Variants in NAV3 observed in about 807,000 individuals in gnomAD.
NAV3 encodes the protein neuron navigator 3, also known as pore membrane and/or filament interacting like protein 1.
Under a neutral mutation model 244.7 loss-of-function variants are expected in NAV3, and 87 were observed. The ratio of observed to expected loss-of-function variants is 0.36; its 90% CI spans 0.30 to 0.42. The LOEUF (loss-of-function observed/expected upper bound fraction) is 0.42, where lower values mean the gene tolerates loss of function less well. Among genes scored for constraint, NAV3 ranks in the 20% least tolerant of loss-of-function variants. The pLI is 1.00. For synonymous variants in NAV3, 1,126 were observed against 1,042.2 expected, an observed-to-expected ratio of 1.08 and a Z score of -1.55; for missense variants, 2,663 against 2,893.3, an observed-to-expected ratio of 0.92 and a Z score of 1.83.
At chr12:77,744,424 T>G (rs1238473421) in intron 2 of NAV3, among the ~76,000 whole-genome samples, 1 of 151,968 alleles carries the variant, frequency 6.6e-6, no homozygotes, top group African/African-American at 2.4e-5. Flanking sequence ...TTTCCCATCT[T>G]TATTTTCTGC....
intron 16 of NAV3, among the ~76,000 whole-genome samples, chr12:78,123,460 C>T (rs1955766716): frequency 2.0e-5 from 3 of 151,980 alleles, no homozygotes; most frequent in Admixed American, 2.0e-4. Context: ...CTTAGCTAGA[C>T]ACTCTCTGCA....
intron 1 of NAV3, among the ~76,000 whole-genome samples, chr12:77,939,872 C>T (rs1889695688): frequency 6.6e-6 from 1 of 152,158 alleles, no homozygotes; most frequent in African/African-American, 2.4e-5. Context: ...TTGTCACATA[C>T]AGTATCTCAC....
At chr12:77,578,687 A>T (rs1451315362) in intron 2 of NAV3, among the ~76,000 whole-genome samples, 1 of 152,188 alleles carries the variant, frequency 6.6e-6, no homozygotes, top group Non-Finnish European at 1.5e-5. Flanking sequence ...TCCTAAGTGC[A>T]TACCCAGACT....
At chr12:78,198,018 T>TAA (rs1959208669) in intron 35 of NAV3, among the ~76,000 whole-genome samples, 1 of 151,806 alleles carries the variant, frequency 6.6e-6, no homozygotes, top group South Asian at 2.1e-4. Context: ...AAGGAAAGGT[T>TAA]AAAGTAAGGT....
intron 2 of NAV3, among the ~76,000 whole-genome samples, chr12:77,730,514 T>C (rs1290829950): frequency 6.6e-6 from 1 of 151,930 alleles, no homozygotes; most frequent in East Asian, 1.9e-4. Flanking sequence ...AACCAAGTAG[T>C]CTAGTATTCT....
chr12:77,786,378 T>C (rs887473161), intron 2 of NAV3, among the ~76,000 whole-genome samples: 3 of 152,168 alleles, frequency 2.0e-5, no homozygotes, highest in African/African-American at 7.2e-5. Flanking sequence ...GTTACACATA[T>C]ATTTTAATAT....
chr12:77,772,498 T>C (rs1198491594), intron 2 of NAV3, among the ~76,000 whole-genome samples: 1 of 152,218 alleles, frequency 6.6e-6, no homozygotes. Context: ...ATGCTAAGAC[T>C]TATGATAAAT....
chr12:77,650,463 T>C (rs983314660), intron 2 of NAV3, among the ~76,000 whole-genome samples: 1 of 152,146 alleles, frequency 6.6e-6, no homozygotes, highest in African/African-American at 2.4e-5. Flanking sequence ...CATTTGATGT[T>C]GAGTTTCAAG....
chr12:77,912,068 G>A, intron 1 of NAV3, among the ~76,000 whole-genome samples: 1 of 152,074 alleles, frequency 6.6e-6, no homozygotes, highest in East Asian at 1.9e-4. Flanking sequence ...CATTCCTTGA[G>A]GCAAGGTAAT....
chr12:77,632,000 A>G (rs1387591312), intron 2 of NAV3, among the ~76,000 whole-genome samples: 1 of 152,216 alleles, frequency 6.6e-6, no homozygotes, highest in Non-Finnish European at 1.5e-5. Flanking sequence ...TATACACGTG[A>G]ACAGAGTTAT....
intron 11 of NAV3, among the ~76,000 whole-genome samples, chr12:78,054,657 T>C (rs1399175256): frequency 6.6e-6 from 1 of 152,134 alleles, no homozygotes; most frequent in Non-Finnish European, 1.5e-5. Context: ...AAGTAATTGA[T>C]ATGGGAAGCA....
chr12:78,040,747 T>C (rs1284952804), intron 9 of NAV3, among the ~76,000 whole-genome samples: 4 of 152,170 alleles, frequency 2.6e-5, no homozygotes, highest in Admixed American at 6.5e-5. Context: ...CATCTCAATA[T>C]ACTCCTTCTT....
At chr12:78,047,419 G>A (rs1384471504) in intron 9 of NAV3, among the ~76,000 whole-genome samples, 7 of 152,086 alleles carry the variant, frequency 4.6e-5, no homozygotes, top group South Asian at 2.1e-4. Flanking sequence ...CCCGGGAGGC[G>A]GAGCTTGCAG....
intron 18 of NAV3, among the ~76,000 whole-genome samples, chr12:78,131,482 T>C (rs1299027329): frequency 6.6e-6 from 1 of 152,208 alleles, no homozygotes; most frequent in Non-Finnish European, 1.5e-5. Context: ...GTCATAGGAA[T>C]ATGAAAAAAT....
In NAV3 at chr12:77,948,237, T is replaced by C. The variant is rs994474070; in HGVS notation, c.414+7104T>C. Among the ~76,000 whole-genome samples the C allele has an allele frequency of 2.6e-5, 4 of 152,194 alleles. No homozygotes were observed. In the East Asian group the frequency reaches 7.7e-4, roughly 29 times the overall value. On this transcript the variant is annotated intron_variant, in intron 3 of 39. Transcript: ENST00000397909. ...AGAATGCCTTGTTGCATTAACTTTA[T>C]ATTATAGAATGAATAGCTTAAATGT...
intron 34 of NAV3, among the ~76,000 whole-genome samples, chr12:78,194,575 C>T (rs922149297): frequency 3.9e-5 from 6 of 152,006 alleles, no homozygotes; most frequent in South Asian, 2.1e-4. Context: ...GGTCTTGCTT[C>T]TTCCTTTCAA....
At chr12:77,732,888 A>G (rs1047253165) in intron 2 of NAV3, among the ~76,000 whole-genome samples, 1 of 152,066 alleles carries the variant, frequency 6.6e-6, no homozygotes, top group East Asian at 1.9e-4. Flanking sequence ...AGGCTGGAGC[A>G]TAGATGTATG....
intron 2 of NAV3, among the ~76,000 whole-genome samples, chr12:77,781,840 G>C (rs762905280): frequency 6.6e-5 from 10 of 152,164 alleles, no homozygotes; most frequent in Non-Finnish European, 1.3e-4. Flanking sequence ...GAGAGAAAGA[G>C]AAGAGAGAAT....
At chr12:77,733,653 G>A (rs1321415766) in intron 2 of NAV3, among the ~76,000 whole-genome samples, 1 of 151,848 alleles carries the variant, frequency 6.6e-6, no homozygotes, top group Non-Finnish European at 1.5e-5. Context: ...TTAAATGGTG[G>A]CTAGAAACAA....
Sources: allele counts gnomAD v4.1 joint callset (sites outside exome capture counted in the v4.1 genomes callset), GRCh38; gene constraint gnomAD v4.1.1; transcripts MANE v1.5; gene names NCBI Gene and HGNC (gene_info 2026-07-23, HGNC 2026-07-21).